Variants in CSMD2 observed in about 807,000 individuals in gnomAD.
The protein encoded by CSMD2 is CUB and Sushi multiple domains 2, also known as CUB and sushi domain-containing protein 2.
CSMD2 carries 130 observed loss-of-function variants against 398.5 expected under a neutral mutation model. The ratio of observed to expected loss-of-function variants is 0.33; its 90% CI spans 0.28 to 0.38. The LOEUF (loss-of-function observed/expected upper bound fraction) is 0.38, where lower values mean the gene tolerates loss of function less well. Ranked by LOEUF, CSMD2 falls within the 10% of genes least tolerant of loss-of-function variation. The pLI is 1.00. For synonymous variants in CSMD2, 1,828 were observed against 1,908.5 expected (o/e 0.96, Z 1.10); for missense variants, 3,829 against 4,764.9 (o/e 0.80, Z 5.78).
intron 5 of CSMD2, among the ~76,000 whole-genome samples, chr1:33,857,783 G>A (rs977096167): frequency 1.3e-5 from 2 of 152,158 alleles, no homozygotes; most frequent in Admixed American, 6.5e-5. Flanking sequence ...CCAAAAGAAG[G>A]AATGTGCTCA....
At chr1:34,003,682 C>CA (rs1368733878) in intron 3 of CSMD2, among the ~76,000 whole-genome samples, 1 of 152,172 alleles carries the variant, frequency 6.6e-6, no homozygotes, top group Non-Finnish European at 1.5e-5. Context: ...TTGGTGGGGA[C>CA]ATGTCCAGAG....
chr1:33,760,069 T>C (rs1008298043), intron 13 of CSMD2, among the ~76,000 whole-genome samples: 12 of 152,208 alleles, frequency 7.9e-5, no homozygotes, highest in East Asian at 1.9e-4. Context: ...CTGTATCCCA[T>C]AGAGGTTGGC....
At chr1:33,693,999 T>G (rs770641023) in intron 24 of CSMD2, among the ~76,000 whole-genome samples, 16 of 152,008 alleles carry the variant, frequency 1.1e-4, no homozygotes, top group Non-Finnish European at 1.6e-4. Context: ...GTGGAGGTTG[T>G]GGTGAACCGA....
At chr1:33,606,084 T>C in intron 41 of CSMD2, 1 of 1,480,308 alleles carries the variant, frequency 6.8e-7, no homozygotes, top group East Asian at 2.4e-5. Flanking sequence ...GGGAAGCTGT[T>C]TCCATGAGAG....
chr1:34,028,306 G>T (rs375468113), intron 3 of CSMD2, among the ~76,000 whole-genome samples: 44 of 152,032 alleles, frequency 2.9e-4, no homozygotes, highest in Non-Finnish European at 5.1e-4. Flanking sequence ...AAAAAGTGAG[G>T]CCCTATCTCA....
intron 25 of CSMD2, among the ~76,000 whole-genome samples, chr1:33,675,003 G>A (rs1644651850): frequency 6.6e-6 from 1 of 152,182 alleles, no homozygotes; most frequent in Non-Finnish European, 1.5e-5. Flanking sequence ...ACAAGAGAAA[G>A]CAGGAAAGAT....
intron 26 of CSMD2, among the ~76,000 whole-genome samples, chr1:33,659,594 G>A (rs1294503583): frequency 5.9e-5 from 9 of 152,250 alleles, no homozygotes; most frequent in Non-Finnish European, 1.5e-5. Context: ...AAGCAAAAAT[G>A]TGAAGCCTTA....
chr1:33,846,780 G>A (rs1034434193), intron 6 of CSMD2, 104 bp downstream of exon 6: 7 of 582,916 alleles, frequency 1.2e-5, no homozygotes, highest in Non-Finnish European at 2.0e-5. Context: ...AGAAGGCAAG[G>A]ATGCCTGAAG....
chr1:33,728,876 TG>T (rs1030174133), intron 15 of CSMD2, among the ~76,000 whole-genome samples: 1 of 152,228 alleles, frequency 6.6e-6, no homozygotes, highest in Non-Finnish European at 1.5e-5. Context: ...TATCAAACAT[TG>T]GGAGAGTAAA....
intron 1 of CSMD2, among the ~76,000 whole-genome samples, chr1:34,101,954 C>A (rs1229466631): frequency 6.6e-6 from 1 of 151,896 alleles, no homozygotes; most frequent in African/African-American, 2.4e-5. Flanking sequence ...AATCTTTTGT[C>A]ATATTTGTTG....
rs1642524448 is a variant in CSMD2, at chr1:33,898,301, G to GA, written c.920+19792dup. 2.0e-5 allele frequency among the ~76,000 whole-genome samples: 3 copies of GA among 152,158 alleles called. No homozygotes were observed. In the South Asian group the frequency reaches 6.2e-4, roughly 32 times the overall value. Reference sequence around the variant, plus strand: ...AGATAAAGCACTGCAAATTGAATGAGAAAATCTATTTTCACATCCTGATGA... The same window carrying GA: ...AGATAAAGCACTGCAAATTGAATGAGAAAAATCTATTTTCACATCCTGATGA... On this transcript the variant is annotated intron_variant, in intron 5 of 70. Coordinates refer to ENST00000373381, the MANE Select transcript of CSMD2 (RefSeq NM_001281956.2).
intron 41 of CSMD2, 66 bp from the exon 42 acceptor site, chr1:33,605,536 C>T: frequency 6.6e-7 from 1 of 1,516,618 alleles, no homozygotes. Flanking sequence ...CGGCAGAAAG[C>T]ATAGTGGTGA....
chr1:34,102,516 T>C (rs930554074), intron 1 of CSMD2, among the ~76,000 whole-genome samples: 34 of 151,326 alleles, frequency 2.2e-4, no homozygotes, highest in African/African-American at 7.9e-4. Flanking sequence ...CAGATGCCTG[T>C]CCACCTCTTC....
Position 33,519,751 on chromosome 1 carries a change from G to A in CSMD2, c.10736+61C>T. 1.2e-6 allele frequency: 2 copies of A among 1,612,716 alleles called. No homozygotes were observed. The highest frequency in any genetic ancestry group is 1.7e-5 in the Admixed American group (1 of 59,988). On this transcript the variant is annotated intron_variant, in intron 69 of 70. Coordinates refer to ENST00000373381, the MANE Select transcript of CSMD2 (RefSeq NM_001281956.2). This position sits in a 1 kb window ranked among gnomAD's most constrained non-coding sequence, Gnocchi z 5.6. ...GAGGCTTAGGGGTCTGGTGCGGGGGGCCCTGGAGGGAGAGAGGGAGGCCTG... is the reference window on the plus strand; with the variant it reads ...GAGGCTTAGGGGTCTGGTGCGGGGGACCCTGGAGGGAGAGAGGGAGGCCTG...
chr1:34,045,378 T>C (rs1652403381), intron 2 of CSMD2, among the ~76,000 whole-genome samples: 2 of 152,192 alleles, frequency 1.3e-5, no homozygotes, highest in African/African-American at 4.8e-5. Context: ...GAGATTATTC[T>C]TGTGCTGTCT....
At chr1:33,836,211 C>G (rs1476789191) in intron 6 of CSMD2, among the ~76,000 whole-genome samples, 1 of 152,174 alleles carries the variant, frequency 6.6e-6, no homozygotes, top group African/African-American at 2.4e-5. Flanking sequence ...GCTGCCTGAT[C>G]GTTCGTCTGG....
chr1:33,579,325 T>G (rs1032423990), intron 48 of CSMD2, among the ~76,000 whole-genome samples: 1 of 152,178 alleles, frequency 6.6e-6, no homozygotes, highest in Non-Finnish European at 1.5e-5. Flanking sequence ...GTTAAGTACC[T>G]TGCCTAATAA....
intron 13 of CSMD2, among the ~76,000 whole-genome samples, chr1:33,768,879 T>A (rs1436946847): frequency 6.6e-6 from 1 of 152,208 alleles, no homozygotes; most frequent in Non-Finnish European, 1.5e-5. Context: ...ACATATACTA[T>A]ACACATTAAG....
At chr1:33,906,148 C>T (rs548476476) in intron 5 of CSMD2, among the ~76,000 whole-genome samples, 2 of 152,284 alleles carry the variant, frequency 1.3e-5, no homozygotes, top group African/African-American at 4.8e-5. Flanking sequence ...AAATCTGTAA[C>T]ATGAGCAAGA....
Sources: allele counts gnomAD v4.1 joint callset (sites outside exome capture counted in the v4.1 genomes callset), GRCh38; gene constraint gnomAD v4.1.1; non-coding constraint Gnocchi (gnomAD v3.1); transcripts MANE v1.5; gene names NCBI Gene and HGNC (gene_info 2026-07-23, HGNC 2026-07-21).